CAPS2: variants seen among roughly 807,000 people sequenced by gnomAD.
The protein encoded by CAPS2 is calcyphosine 2.
CAPS2 carries 98 observed loss-of-function variants against 86.5 expected under a neutral mutation model. The observed-to-expected ratio is 1.13, with a 90% CI of 0.96 to 1.34. The LOEUF (loss-of-function observed/expected upper bound fraction) is 1.34. CAPS2 is among the 40% of genes most tolerant of loss of function. The probability of loss-of-function intolerance (pLI) is 0.00; values close to 1 mark genes in which losing one functional copy is unlikely to be tolerated. For missense variants in CAPS2, 729 were observed against 686.8 expected, an observed-to-expected ratio of 1.06 and a Z score of -0.69; for synonymous variants, 210 against 225.1, an observed-to-expected ratio of 0.93 and a Z score of 0.60.
chr12:75,278,840 C>T, exon 17 of CAPS2: 1 of 1,400,568 alleles, frequency 7.1e-7, no homozygotes, highest in Non-Finnish European at 9.3e-7. Flanking sequence ...ACATTGATAT[C>T]ATCTCTCCAA....
intron 1 of CAPS2, chr12:75,369,824 A>C: frequency 7.6e-7 from 1 of 1,319,358 alleles, no homozygotes; most frequent in Non-Finnish European, 9.6e-7. Flanking sequence ...ATTGAGTAGG[A>C]AAGTTTCATT....
At chr12:75,342,965 T>A (rs904446756) in intron 1 of CAPS2, among the ~76,000 whole-genome samples, 24 of 151,804 alleles carry the variant, frequency 1.6e-4, no homozygotes, top group Admixed American at 1.6e-3. Context: ...TATAATAGAT[T>A]TTGCATATTT....
rs942761882 is a variant in CAPS2, at chr12:75,347,795, A to C, written c.-394-24573T>G. Reference sequence around the variant, plus strand: ...GATGGTTGCCAAATAAGAGGACCTTATACTAGACACAAGTGTATTTTTGAT... The same window carrying C: ...GATGGTTGCCAAATAAGAGGACCTTCTACTAGACACAAGTGTATTTTTGAT... On this transcript the variant is annotated intron_variant, in intron 1 of 5. Coordinates refer to the CAPS2 transcript ENST00000551829. The C allele has an allele frequency of 4.4e-5, 37 of 847,824 alleles. 1 individual carries two copies. Among genetic ancestry groups the C allele is most frequent in the Admixed American group, 2.8e-4 (14 of 49,828 alleles). The allele number at this position is 847,824 out of a possible 1,614,324, so 52.5% of individuals were successfully genotyped here.
upstream of CAPS2, chr12:75,334,848 C>T (rs772601211): frequency 2.4e-5 from 39 of 1,613,946 alleles, no homozygotes; most frequent in South Asian, 2.4e-4. Flanking sequence ...GCATAGAAGC[C>T]CACAACGAAT....
At chr12:75,365,387 AG>A (rs2043897479) in intron 1 of CAPS2, 1 of 152,292 alleles carries the variant, frequency 6.6e-6, no homozygotes, top group East Asian at 1.9e-4. Context: ...CTATTCCACT[AG>A]GGCACTAACT....
At chr12:75,277,574 C>T (rs1205184012) in exon 17 of CAPS2, 6 of 960,340 alleles carry the variant, frequency 6.2e-6, no homozygotes, top group South Asian at 4.8e-5. Context: ...GAGGTTTACA[C>T]ATATTTTCCC....
upstream of CAPS2, among the ~76,000 whole-genome samples, chr12:75,327,390 G>A (rs905004599): frequency 2.0e-5 from 3 of 151,928 alleles, no homozygotes; most frequent in African/African-American, 7.2e-5. Flanking sequence ...CTAACAAAAG[G>A]ATATTGAAAG....
intron 1 of CAPS2, among the ~76,000 whole-genome samples, chr12:75,358,118 A>G (rs1421488721): frequency 6.6e-6 from 1 of 151,770 alleles, no homozygotes; most frequent in Non-Finnish European, 1.5e-5. Context: ...TCAAAAAAAG[A>G]TAAAAATAAT....
In CAPS2 at chr12:75,347,781, A is replaced by C. The variant is rs1182181226; in HGVS notation, c.-394-24559T>G. On this transcript the variant is annotated intron_variant, in intron 1 of 5. Coordinates refer to the CAPS2 transcript ENST00000551829. ...AAATTAATGTTGATGATGGTTGCCAAATAAGAGGACCTTATACTAGACACA... is the reference window on the plus strand; with the variant it reads ...AAATTAATGTTGATGATGGTTGCCACATAAGAGGACCTTATACTAGACACA... 7 of 1,108,314 alleles carry C rather than the reference A, an allele frequency of 6.3e-6. No individual in the cohort carries two copies. In the Admixed American group the frequency reaches 1.3e-4, roughly 20 times the overall value. 68.7% of individuals were successfully genotyped at this position (1,108,314 alleles called of 1,614,324 possible).
chr12:75,319,247 T>G (rs2138956991), intron 5 of CAPS2, among the ~76,000 whole-genome samples: 1 of 152,296 alleles, frequency 6.6e-6, no homozygotes. Context: ...CCTCTAAGCC[T>G]CATGTTGAAA....
intron 14 of CAPS2, among the ~76,000 whole-genome samples, chr12:75,289,096 G>A (rs2035399047): frequency 6.6e-6 from 1 of 152,042 alleles, no homozygotes; most frequent in African/African-American, 2.4e-5. Context: ...GTCAGAAACA[G>A]GCCACACTCC....
chr12:75,308,430 C>A (rs1215886725), intron 7 of CAPS2, among the ~76,000 whole-genome samples: 1 of 152,220 alleles, frequency 6.6e-6, no homozygotes, highest in Non-Finnish European at 1.5e-5. Context: ...CCTTGAGCCA[C>A]TTGCGTGGGC....
Position 75,374,629 on chromosome 12 carries a change from T to C in CAPS2, c.-395+16209A>G, listed in dbSNP as rs180915187. ...CAATGTAAGGGGCCAGTGTGATACC[T>C]TGTGAAAGGGAAAAGTGATATTTCT... On this transcript the variant is annotated intron_variant, in intron 1 of 5. Transcript: ENST00000551829. Among the ~76,000 whole-genome samples, 8 of 152,300 alleles carry C rather than the reference T, an allele frequency of 5.3e-5. No individual in the cohort carries two copies. In the East Asian group the frequency reaches 1.5e-3, roughly 29 times the overall value.
chr12:75,325,118 T>A (rs921557920), intron 2 of CAPS2, 121 bp downstream of exon 3: 118 of 846,848 alleles, frequency 1.4e-4, no homozygotes, highest in Non-Finnish European at 1.9e-5. Flanking sequence ...CATATGCATA[T>A]AGATTTTTCT....
intron 4 of CAPS2, among the ~76,000 whole-genome samples, chr12:75,321,898 T>C (rs929545209): frequency 2.8e-4 from 42 of 152,134 alleles, no homozygotes; most frequent in African/African-American, 9.6e-4. Flanking sequence ...AAAGCTTTTC[T>C]TCTGCCCCAG....
At chr12:75,329,871 C>A (rs780444154), upstream of CAPS2, 14 of 1,542,860 alleles carry the variant, frequency 9.1e-6, no homozygotes, top group South Asian at 1.7e-4. Context: ...CCCTACCTAA[C>A]TGGGATTCCT....
At chr12:75,379,108 A>G (rs2044817502) in intron 1 of CAPS2, among the ~76,000 whole-genome samples, 1 of 152,198 alleles carries the variant, frequency 6.6e-6, no homozygotes, top group South Asian at 2.1e-4. Flanking sequence ...TAATATAATT[A>G]CTCCTTTACC....
At chr12:75,326,507 CTG>C, upstream of CAPS2, 1 of 1,515,550 alleles carries the variant, frequency 6.6e-7, no homozygotes, top group Non-Finnish European at 9.0e-7. Context: ...ATTTGAGTTC[CTG>C]TGTTTATCAT....
At chr12:75,301,498 C>T (rs2037810965) in intron 8 of CAPS2, among the ~76,000 whole-genome samples, 1 of 152,180 alleles carries the variant, frequency 6.6e-6, no homozygotes, top group Non-Finnish European at 1.5e-5. Context: ...AGTACAGCTA[C>T]CACTTATTGA....
Sources: gnomAD v4.1 joint callset for allele counts (sites outside exome capture counted in the v4.1 genomes callset) on GRCh38, gnomAD v4.1.1 for gene constraint, MANE v1.5 for transcripts, NCBI Gene and HGNC (gene_info 2026-07-23, HGNC 2026-07-21) for gene names.